PLPP4: variants seen among roughly 807,000 people sequenced by gnomAD.
PLPP4 encodes phospholipid phosphatase 4.
A neutral mutation model predicts 32.2 loss-of-function variants in PLPP4; 20 were observed. The ratio of observed to expected loss-of-function variants is 0.62; its 90% CI spans 0.44 to 0.90. PLPP4 has a LOEUF of 0.90. Ranked by LOEUF, PLPP4 falls within the 40% of genes least tolerant of loss-of-function variation. The probability of loss-of-function intolerance (pLI) is 0.00; values close to 1 mark genes in which losing one functional copy is unlikely to be tolerated. For synonymous variants in PLPP4, 127 were observed against 133.0 expected (o/e 0.95, Z 0.31); for missense variants, 257 against 353.1 (o/e 0.73, Z 2.18).
At chr10:120,512,693 G>A (rs915622544) in intron 2 of PLPP4, among the ~76,000 whole-genome samples, 8 of 152,144 alleles carry the variant, frequency 5.3e-5, no homozygotes, top group Admixed American at 5.2e-4. Context: ...TGCACCTGTA[G>A]TCCCAGCTAC....
chr10:120,582,581 T>C (rs1564857148), intron 6 of PLPP4, among the ~76,000 whole-genome samples: 1 of 152,140 alleles, frequency 6.6e-6, no homozygotes, highest in Non-Finnish European at 1.5e-5. Flanking sequence ...AAGGACACAA[T>C]TAAATTTATA....
intron 1 of PLPP4, among the ~76,000 whole-genome samples, chr10:120,471,171 T>G (rs115336987): frequency 3.3e-4 from 51 of 152,314 alleles, no homozygotes; most frequent in Middle Eastern, 3.4e-3. Context: ...AGTCTTATTC[T>G]TTTAATTTTG....
At chr10:120,554,038 G>A (rs34478781) in intron 5 of PLPP4, among the ~76,000 whole-genome samples, 7,975 of 152,168 alleles carry the variant, frequency 0.052, 295 homozygotes, top group Middle Eastern at 0.14. Context: ...GTTTCCTACC[G>A]CATAGTCAGG....
At chr10:120,559,736 A>G (rs1391636113) in intron 5 of PLPP4, among the ~76,000 whole-genome samples, 2 of 152,234 alleles carry the variant, frequency 1.3e-5, no homozygotes, top group Non-Finnish European at 2.9e-5. Flanking sequence ...AAGCTATGTC[A>G]TGAATGCATA....
At chr10:120,560,410 A>C (rs1197042997) in intron 5 of PLPP4, among the ~76,000 whole-genome samples, 1 of 152,152 alleles carries the variant, frequency 6.6e-6, no homozygotes, top group Non-Finnish European at 1.5e-5. Context: ...CACCTTATAC[A>C]TTTTCTGAAA....
intron 6 of PLPP4, 89 bp from the exon 7 acceptor site, chr10:120,589,214 A>C: frequency 7.6e-7 from 1 of 1,308,652 alleles, no homozygotes; most frequent in Non-Finnish European, 1.1e-6. Flanking sequence ...GTCCTAGAAC[A>C]GGAAGGAAAA....
rs17706526 is a variant in PLPP4 at position 120,546,424 on chromosome 10, G to A, written c.445+25329G>A. 8.3e-3 allele frequency among the ~76,000 whole-genome samples: 1,270 copies of A among 152,180 alleles called. 5 individuals carry two copies. Among genetic ancestry groups the A allele is most frequent in the Middle Eastern group, 0.048 (14 of 294 alleles). On this transcript the variant is annotated intron_variant, in intron 5 of 6. Coordinates refer to ENST00000398250, the MANE Select transcript of PLPP4 (RefSeq NM_001030059.3). ...CTGTGGCACCAGCCTTGAAAACCTA[G>A]GGATCTGCATCACTCAGAATCACTC...
At chr10:120,527,883 C>T (rs555371643) in intron 5 of PLPP4, among the ~76,000 whole-genome samples, 1 of 152,078 alleles carries the variant, frequency 6.6e-6, no homozygotes, top group Admixed American at 6.6e-5. Flanking sequence ...TGCCATCGAG[C>T]ATGAATATTC....
intron 3 of PLPP4, among the ~76,000 whole-genome samples, chr10:120,517,683 G>T (rs1845986358): frequency 1.3e-5 from 2 of 152,258 alleles, no homozygotes; most frequent in South Asian, 4.1e-4. Context: ...TCATTTGAAT[G>T]TGTCCCTCCC....
chr10:120,563,220 CAA>C (rs1848515250), intron 5 of PLPP4, among the ~76,000 whole-genome samples: 1 of 152,126 alleles, frequency 6.6e-6, no homozygotes, highest in Admixed American at 6.5e-5. Flanking sequence ...GCCTGGGTAA[CAA>C]GAGCGAAACC....
chr10:120,578,047 C>T (rs1158052747), intron 6 of PLPP4, among the ~76,000 whole-genome samples: 1 of 152,184 alleles, frequency 6.6e-6, no homozygotes, highest in East Asian at 1.9e-4. Context: ...AATCACAAGA[C>T]CCCTCGCCCA....
intron 5 of PLPP4, among the ~76,000 whole-genome samples, chr10:120,543,682 C>T (rs1168370925): frequency 1.3e-5 from 2 of 152,126 alleles, no homozygotes; most frequent in Non-Finnish European, 1.5e-5. Context: ...ACATTCACAG[C>T]GTTGTGCAGC....
chr10:120,457,486 C>T, intron 1 of PLPP4, 125 bp downstream of exon 1: 1 of 719,596 alleles, frequency 1.4e-6, no homozygotes, highest in Admixed American at 2.6e-5. Flanking sequence ...GGTCCCTTCC[C>T]CGCCAAGTGC....
chr10:120,545,127 T>A (rs1318267473), intron 5 of PLPP4, among the ~76,000 whole-genome samples: 1 of 152,252 alleles, frequency 6.6e-6, no homozygotes, highest in African/African-American at 2.4e-5. Flanking sequence ...TGCATGGCAC[T>A]GTGGCAGACA....
rs185281412 is a variant in PLPP4 at position 120,480,489 on chromosome 10, A to G, written c.56+23128A>G. Among the ~76,000 whole-genome samples the G allele has an allele frequency of 6.8e-4, 104 of 152,318 alleles. 1 individual carries two copies. Among genetic ancestry groups the G allele is most frequent in the Admixed American group, 2.2e-3 (34 of 15,300 alleles). The stretch of plus-strand genomic sequence containing the variant: ...ACCGAGATGGAAAGCTAATATATTG[A>G]ATAATAGAATCAGGATTCATAAAAA... On this transcript the variant is annotated intron_variant, in intron 1 of 6. Transcript: ENST00000398250.
chr10:120,576,796 G>A (rs1241767354), intron 6 of PLPP4, among the ~76,000 whole-genome samples: 1 of 152,214 alleles, frequency 6.6e-6, no homozygotes, highest in Non-Finnish European at 1.5e-5. Context: ...ATGATAAGAA[G>A]CCGCATCATG....
chr10:120,498,443 A>T (rs781576135), intron 1 of PLPP4, among the ~76,000 whole-genome samples: 4 of 152,226 alleles, frequency 2.6e-5, no homozygotes, highest in Non-Finnish European at 5.9e-5. Flanking sequence ...TTCATAAATG[A>T]TACCTTGTAA....
intron 1 of PLPP4, among the ~76,000 whole-genome samples, chr10:120,463,399 G>C (rs1848163300): frequency 6.6e-6 from 1 of 152,168 alleles, no homozygotes; most frequent in African/African-American, 2.4e-5. Flanking sequence ...GAGCCAGACA[G>C]GTCTGTGTTT....
At chr10:120,457,468 G>A (rs1589695083) in intron 1 of PLPP4, 107 bp downstream of exon 1, 1 of 979,198 alleles carries the variant, frequency 1.0e-6, no homozygotes. Context: ...ACTGGGGCCT[G>A]GGTTCGAGGT....
Sources: allele counts gnomAD v4.1 joint callset (sites outside exome capture counted in the v4.1 genomes callset), GRCh38; gene constraint gnomAD v4.1.1; transcripts MANE v1.5; gene names NCBI Gene and HGNC (gene_info 2026-07-23, HGNC 2026-07-21).